Variants in FHIT observed in about 807,000 individuals in gnomAD.
FHIT encodes fragile histidine triad diadenosine triphosphatase.
Under a neutral mutation model 17.9 loss-of-function variants are expected in FHIT, and 19 were observed. That is an observed-to-expected ratio of 1.06 (90% CI 0.74 to 1.56). The LOEUF is 1.56. Among genes scored for constraint, FHIT ranks in the 40% most tolerant of loss-of-function variants. FHIT has a pLI of 0.00. For missense variants in FHIT, 248 were observed against 189.2 expected (o/e 1.31, Z -1.82); for synonymous variants, 81 against 69.7 (o/e 1.16, Z -0.81).
intron 5 of FHIT, among the ~76,000 whole-genome samples, chr3:60,313,527 C>T (rs1186909248): frequency 6.6e-6 from 1 of 152,156 alleles, no homozygotes; most frequent in Non-Finnish European, 1.5e-5. Context: ...AGTTCAAACC[C>T]TGTCACTTTA....
intron 4 of FHIT, among the ~76,000 whole-genome samples, chr3:60,779,033 G>C (rs1201039789): frequency 1.3e-5 from 2 of 152,184 alleles, no homozygotes; most frequent in African/African-American, 4.8e-5. Context: ...GCTAGGCTCA[G>C]CTTTAAAAGG....
intron 5 of FHIT, among the ~76,000 whole-genome samples, chr3:60,335,467 A>G (rs192364921): frequency 6.6e-6 from 1 of 152,340 alleles, no homozygotes; most frequent in Non-Finnish European, 1.5e-5. Context: ...TTCATCATTT[A>G]CATGGGCAAA....
chr3:60,168,734 A>G (rs565821262), intron 5 of FHIT, among the ~76,000 whole-genome samples: 8 of 152,338 alleles, frequency 5.3e-5, no homozygotes, highest in Non-Finnish European at 7.3e-5. Context: ...AGGCGATGGT[A>G]TATCTCCTGT....
At chr3:59,785,077 A>T (rs904769088) in intron 8 of FHIT, among the ~76,000 whole-genome samples, 1 of 152,004 alleles carries the variant, frequency 6.6e-6, no homozygotes, top group Non-Finnish European at 1.5e-5. Flanking sequence ...GCACACTTTT[A>T]AACAACCAGA....
At chr3:61,066,958 C>A in intron 2 of FHIT, among the ~76,000 whole-genome samples, 1 of 152,202 alleles carries the variant, frequency 6.6e-6, no homozygotes, top group East Asian at 1.9e-4. Context: ...TGTGGCAACC[C>A]ACCAATTGGT....
intron 5 of FHIT, among the ~76,000 whole-genome samples, chr3:60,123,314 C>T (rs1705343296): frequency 6.6e-6 from 1 of 152,144 alleles, no homozygotes; most frequent in South Asian, 2.1e-4. Context: ...TTCAGTGTTT[C>T]ATAATGGATG....
chr3:59,829,627 C>CATTTCCT lies in FHIT; in HGVS notation c.349-77313_349-77307dup, dbSNP rs1701097076. Among the ~76,000 whole-genome samples, 4 of 152,268 alleles carry CATTTCCT rather than the reference C, an allele frequency of 2.6e-5. No homozygotes were observed. In the South Asian group the frequency reaches 8.3e-4, roughly 32 times the overall value. On this transcript the variant is annotated intron_variant, in intron 8 of 9. Transcript: ENST00000492590. ...CCATGAATATCCATGTGCTCTGCTC[C>CATTTCCT]ATTTCCTGTTCCCTTGCAGATAAGT...
rs1709774319 is a variant in FHIT at position 60,966,951 on chromosome 3, CG to C, written c.-111+75095del. Among the ~76,000 whole-genome samples the C allele has an allele frequency of 2.0e-5, 3 of 152,036 alleles. 1 individual carries two copies. The South Asian group carries it at 6.2e-4, about 32-fold the overall frequency. On this transcript the variant is annotated intron_variant, in intron 3 of 9. Transcript: ENST00000492590. ...AGTTAGAGAGAATTATCTCAGTAGA[CG>C]TAATACTTCTCTTTCAAAAACTGTC...
chr3:60,245,997 C>T (rs972946826), intron 5 of FHIT, among the ~76,000 whole-genome samples: 9 of 151,852 alleles, frequency 5.9e-5, no homozygotes, highest in African/African-American at 1.9e-4. Flanking sequence ...CTTAAATTTG[C>T]CTATGCTTAT....
intron 8 of FHIT, among the ~76,000 whole-genome samples, chr3:59,791,937 C>A (rs1699579961): frequency 6.6e-6 from 1 of 152,078 alleles, no homozygotes; most frequent in Admixed American, 6.6e-5. Context: ...AAGAATAAGA[C>A]AGTGGGAGCT....
intron 5 of FHIT, among the ~76,000 whole-genome samples, chr3:60,477,387 G>T (rs1381539212): frequency 6.6e-6 from 1 of 152,162 alleles, no homozygotes; most frequent in Non-Finnish European, 1.5e-5. Context: ...GATGCAGAGA[G>T]AGGATTTGAG....
At chr3:60,317,583 TATC>T (rs1437910753) in intron 5 of FHIT, among the ~76,000 whole-genome samples, 3 of 148,024 alleles carry the variant, frequency 2.0e-5, no homozygotes, top group East Asian at 2.0e-4. Flanking sequence ...TAATTATATA[TATC>T]ATTATATAAT....
intron 8 of FHIT, among the ~76,000 whole-genome samples, chr3:59,906,987 T>A (rs1704612457): frequency 6.6e-6 from 1 of 152,210 alleles, no homozygotes; most frequent in South Asian, 2.1e-4. Context: ...GGGCAAGTGA[T>A]TCTTTCTCAA....
intron 1 of FHIT, among the ~76,000 whole-genome samples, chr3:61,209,213 TG>T (rs1040255686): frequency 6.6e-5 from 10 of 152,266 alleles, no homozygotes; most frequent in East Asian, 1.9e-4. Flanking sequence ...CTTCCCTTTG[TG>T]GGTAACCCGA....
At chr3:60,079,770 A>G (rs1250384436) in intron 5 of FHIT, among the ~76,000 whole-genome samples, 1 of 152,088 alleles carries the variant, frequency 6.6e-6, no homozygotes, top group East Asian at 1.9e-4. Flanking sequence ...CTGCGCAACC[A>G]TAAACTTCAG....
intron 2 of FHIT, among the ~76,000 whole-genome samples, chr3:61,093,082 A>G (rs1183794775): frequency 6.6e-6 from 1 of 152,184 alleles, no homozygotes; most frequent in Non-Finnish European, 1.5e-5. Context: ...ACTCTAAGCA[A>G]CTTACTAATC....
intron 2 of FHIT, among the ~76,000 whole-genome samples, chr3:61,147,257 CA>C (rs1312636477): frequency 6.6e-6 from 1 of 151,976 alleles, no homozygotes; most frequent in African/African-American, 2.4e-5. Flanking sequence ...CAAAACAAAA[CA>C]GATTTTTAAT....
chr3:60,268,842 G>A (rs1426237967), intron 5 of FHIT, among the ~76,000 whole-genome samples: 1 of 152,048 alleles, frequency 6.6e-6, no homozygotes, highest in Non-Finnish European at 1.5e-5. Flanking sequence ...AGATGATCCT[G>A]GATTATCTAG....
chr3:60,443,983 A>C (rs2031126095), intron 5 of FHIT, among the ~76,000 whole-genome samples: 1 of 152,210 alleles, frequency 6.6e-6, no homozygotes, highest in African/African-American at 2.4e-5. Context: ...AATGAACTCA[A>C]ACAAATTTAC....
Sources: gnomAD v4.1 joint callset for allele counts (sites outside exome capture counted in the v4.1 genomes callset) on GRCh38, gnomAD v4.1.1 for gene constraint, MANE v1.5 for transcripts, NCBI Gene and HGNC (gene_info 2026-07-23, HGNC 2026-07-21) for gene names.